The following HADH variants were observed in gnomAD, a reference collection of about 807,000 sequenced individuals.
HADH encodes hydroxyacyl-CoA dehydrogenase, also known as hydroxyacyl-coenzyme A dehydrogenase, mitochondrial.
In HADH, 24 loss-of-function variants were observed where a neutral mutation model predicts 32.2. The ratio of observed to expected loss-of-function variants is 0.75; its 90% CI spans 0.54 to 1.05. The LOEUF is 1.05. HADH is among the 50% of genes least tolerant of loss of function. The pLI is 0.00. For synonymous variants in HADH, 139 were observed against 152.5 expected, an observed-to-expected ratio of 0.91 and a Z score of 0.65; for missense variants, 350 against 397.1, an observed-to-expected ratio of 0.88 and a Z score of 1.01.
intron 3 of HADH, among the ~76,000 whole-genome samples, chr4:108,015,316 G>A (rs1735654919): frequency 6.6e-6 from 1 of 152,168 alleles, no homozygotes; most frequent in Non-Finnish European, 1.5e-5. Flanking sequence ...TTTAATAAAA[G>A]CCATTCTGAC....
Position 108,033,440 on chromosome 4 carries a change from T to C in HADH, c.826+148T>C, listed in dbSNP as rs771550506. On this transcript the variant is annotated intron_variant, in intron 7 of 7. Transcript: ENST00000309522. The stretch of plus-strand genomic sequence containing the variant: ...CAGGTTGAGAATTCATGAACAGATG[T>C]CAGGAGAAGGAAGAATGTGACTGTC... The C allele has an allele frequency of 7.2e-6, 5 of 696,726 alleles. No individual in the cohort carries two copies. In the African/African-American group the frequency reaches 8.8e-5, roughly 12 times the overall value. 43.2% of individuals were successfully genotyped at this position (696,726 alleles called of 1,614,324 possible).
At position 108,014,608 on chromosome 4, in the gene HADH, T is replaced by C; in HGVS notation, c.419+20T>C. On this transcript the variant is annotated intron_variant, in intron 3 of 7. Coordinates refer to ENST00000309522, the MANE Select transcript of HADH (RefSeq NM_005327.7). Reference sequence around the variant, plus strand: ...TGCTGAGTATGTAACCTCTGGACAATCTTCTTTTTTTTTTTTTTTAACCTT... The same window carrying C: ...TGCTGAGTATGTAACCTCTGGACAACCTTCTTTTTTTTTTTTTTTAACCTT... The C allele has an allele frequency of 9.5e-6, 15 of 1,576,218 alleles. No individual in the cohort carries two copies. Among genetic ancestry groups the C allele is most frequent in the Non-Finnish European group, 1.3e-5 (15 of 1,153,368 alleles).
rs1736306340 is a variant in HADH, at chr4:108,032,496, C to T, written c.710-680C>T. 6 of 582,934 alleles carry T rather than the reference C, an allele frequency of 1.0e-5. No individual in the cohort carries two copies. In the South Asian group the frequency reaches 1.1e-4, roughly 11 times the overall value. The allele number at this position is 582,934 out of a possible 1,614,324, so 36.1% of individuals were successfully genotyped here. ...TAACTATACATACAAAAGCAGAAAG[C>T]TTAGTTTTCTTTTTAAGAAAGTTTA... is the stretch of plus-strand genomic sequence containing the variant. On this transcript the variant is annotated intron_variant, in intron 6 of 7. Coordinates refer to ENST00000309522, the MANE Select transcript of HADH (RefSeq NM_005327.7).
At chr4:108,001,848 A>G (rs1735127674) in intron 1 of HADH, among the ~76,000 whole-genome samples, 1 of 152,234 alleles carries the variant, frequency 6.6e-6, no homozygotes, top group South Asian at 2.1e-4. Context: ...TTTTTGGACC[A>G]TAGTTGACTG....
chr4:108,011,961 A>C lies in HADH; in HGVS notation c.261+2074A>C, dbSNP rs2126227680. Among the ~76,000 whole-genome samples the C allele has an allele frequency of 2.0e-5, 3 of 152,202 alleles. No individual in the cohort carries two copies. In the South Asian group the frequency reaches 6.2e-4, roughly 32 times the overall value. ...GGCTGGAGAGCAGTGGCATGATCAT[A>C]GTTCACTATAGCCTTGAACTCCTAG... On this transcript the variant is annotated intron_variant, in intron 2 of 7. Coordinates refer to ENST00000309522, the MANE Select transcript of HADH (RefSeq NM_005327.7).
At chr4:107,998,497 C>T (rs1365707865) in intron 1 of HADH, among the ~76,000 whole-genome samples, 1 of 152,118 alleles carries the variant, frequency 6.6e-6, no homozygotes, top group Non-Finnish European at 1.5e-5. Context: ...TCAGGCTGGT[C>T]TCTAACTCCC....
chr4:108,016,507 G>A (rs926795942), intron 3 of HADH, among the ~76,000 whole-genome samples: 5 of 152,326 alleles, frequency 3.3e-5, no homozygotes, highest in Non-Finnish European at 2.9e-5. Context: ...TTGTGGTACC[G>A]GGACTGGCTC....
chr4:107,993,071 G>A (rs954488957), intron 1 of HADH, among the ~76,000 whole-genome samples: 1 of 152,228 alleles, frequency 6.6e-6, no homozygotes, highest in Admixed American at 6.5e-5. Context: ...AGCCGAGATC[G>A]CACCACTGCA....
At chr4:108,032,441 C>A in intron 6 of HADH, 1 of 935,214 alleles carries the variant, frequency 1.1e-6, no homozygotes, top group Non-Finnish European at 1.7e-6. Flanking sequence ...CTTGTAAAAC[C>A]CAAAAAACTG....
intron 2 of HADH, among the ~76,000 whole-genome samples, chr4:108,010,760 A>G (rs1490802804): frequency 2.0e-5 from 3 of 152,150 alleles, no homozygotes; most frequent in Admixed American, 2.0e-4. Context: ...AAGTGGAATC[A>G]TACAATATTT....
rs1734970551 is a variant in HADH at position 107,996,820 on chromosome 4, G to A, written c.132+6756G>A. ...GAGGTGGAAGAATTGCTTGAACCCAGGAGGCGGAGGATGCAGTGAGCCAAG... is the reference window on the plus strand; with the variant it reads ...GAGGTGGAAGAATTGCTTGAACCCAAGAGGCGGAGGATGCAGTGAGCCAAG... On this transcript the variant is annotated intron_variant, in intron 1 of 7. Coordinates refer to ENST00000309522, the MANE Select transcript of HADH (RefSeq NM_005327.7). Among the ~76,000 whole-genome samples the A allele has an allele frequency of 2.0e-5, 3 of 151,914 alleles. No individual in the cohort carries two copies. In the South Asian group the frequency reaches 6.2e-4, roughly 32 times the overall value.
intron 1 of HADH, among the ~76,000 whole-genome samples, chr4:107,991,692 T>C (rs1734818156): frequency 6.6e-6 from 1 of 152,222 alleles, no homozygotes; most frequent in Non-Finnish European, 1.5e-5. Context: ...CCACAGGTTA[T>C]ACTCAAGAGA....
intron 5 of HADH, chr4:108,023,858 T>G: frequency 3.0e-6 from 1 of 338,576 alleles, no homozygotes; most frequent in East Asian, 5.5e-5. Flanking sequence ...TTTTGTCTCC[T>G]GATGAATGGC....
At chr4:108,004,617 G>A (rs1439693381) in intron 1 of HADH, 1 of 1,486,902 alleles carries the variant, frequency 6.7e-7, no homozygotes, top group Non-Finnish European at 9.0e-7. Context: ...TTTTATTCAG[G>A]AGGAGTAACT....
chr4:108,019,709 C>T, intron 4 of HADH, 43 bp downstream of exon 4: 2 of 1,611,640 alleles, frequency 1.2e-6, no homozygotes. Flanking sequence ...GCTCTGCCAG[C>T]TCTCTCAGTC....
intron 3 of HADH, among the ~76,000 whole-genome samples, chr4:108,016,710 GA>G (rs1204281368): frequency 6.6e-6 from 1 of 152,212 alleles, no homozygotes; most frequent in East Asian, 1.9e-4. Context: ...GCCTGGTGCT[GA>G]CCCCCTCACC....
intron 1 of HADH, among the ~76,000 whole-genome samples, chr4:107,999,111 C>T (rs1421123356): frequency 1.3e-5 from 2 of 152,198 alleles, no homozygotes; most frequent in Non-Finnish European, 2.9e-5. Flanking sequence ...TGTTGGAGAG[C>T]AGTGAGCTTA....
chr4:108,006,178 G>A (rs1339456900), intron 1 of HADH, among the ~76,000 whole-genome samples: 2 of 152,188 alleles, frequency 1.3e-5, no homozygotes, highest in Non-Finnish European at 2.9e-5. Context: ...CCTTTCCTTA[G>A]GGAGTGTGTG....
rs184279918 is a variant in HADH at position 108,004,717 on chromosome 4, A to G, written c.133-5042A>G. 423 of 1,531,822 alleles carry G rather than the reference A, an allele frequency of 2.8e-4. 1 individual carries two copies. The African/African-American group carries it at 5.3e-3, about 19-fold the overall frequency. The allele number at this position is 1,531,822 out of a possible 1,614,324, so 94.9% of individuals were successfully genotyped here. A position where few individuals can be genotyped will look rare whatever the true frequency, so the allele number is the denominator to read the frequency against. On this transcript the variant is annotated intron_variant, in intron 1 of 7. Coordinates refer to ENST00000309522, the MANE Select transcript of HADH (RefSeq NM_005327.7). ...GGATAATTCTTTCAAGAAAGGAATG[A>G]AGAGAGAAGTTAGATGGAAAAGAGA...
Sources: allele counts gnomAD v4.1 joint callset (sites outside exome capture counted in the v4.1 genomes callset), GRCh38; gene constraint gnomAD v4.1.1; transcripts MANE v1.5; gene names NCBI Gene and HGNC (gene_info 2026-07-23, HGNC 2026-07-21).